The following ADGRA1 variants were observed in gnomAD, a reference collection of about 807,000 sequenced individuals.
ADGRA1 encodes the protein adhesion G protein-coupled receptor A1, also known as G-protein coupled receptor 123.
A neutral mutation model predicts 21.3 loss-of-function variants in ADGRA1; 12 were observed. That is an observed-to-expected ratio of 0.56 (90% CI 0.36 to 0.91). The LOEUF is 0.91. Ranked by LOEUF, ADGRA1 falls within the 40% of genes least tolerant of loss-of-function variation. The pLI is 0.01. For synonymous variants in ADGRA1, 385 were observed against 368.8 expected, an observed-to-expected ratio of 1.04 and a Z score of -0.50; for missense variants, 790 against 805.6, an observed-to-expected ratio of 0.98 and a Z score of 0.23.
At chr10:133,115,677 C>T (rs989886729) in intron 5 of ADGRA1, among the ~76,000 whole-genome samples, 5 of 152,134 alleles carry the variant, frequency 3.3e-5, no homozygotes, top group Non-Finnish European at 5.9e-5. Flanking sequence ...AGCCGAGGGT[C>T]GGCCGATGGC....
In ADGRA1 at chr10:133,116,645, A is replaced by G. The variant is rs1388231316; in HGVS notation, c.402-10588A>G. On this transcript the variant is annotated intron_variant, in intron 5 of 6. Transcript: ENST00000392607. ...CACGATGAAGAGACGCAGACACTCA[A>G]CCAGAAACGGGCAGCCCGAGGAGGG... 2.6e-5 allele frequency among the ~76,000 whole-genome samples: 4 copies of G among 152,086 alleles called. No homozygotes were observed. The East Asian group carries it at 7.8e-4, about 30-fold the overall frequency.
At chr10:133,090,765 T>C (rs971452075) in intron 2 of ADGRA1, among the ~76,000 whole-genome samples, 2 of 152,096 alleles carry the variant, frequency 1.3e-5, no homozygotes, top group African/African-American at 2.4e-5. Flanking sequence ...AGCTCCCAAG[T>C]GTAAGGGCAT....
intron 5 of ADGRA1, among the ~76,000 whole-genome samples, chr10:133,118,171 T>C (rs1199783624): frequency 6.6e-6 from 1 of 152,218 alleles, no homozygotes; most frequent in African/African-American, 2.4e-5. Context: ...TCCTGCCTCA[T>C]TTCCCAAACT....
At chr10:133,124,620 T>C (rs900440003) in intron 5 of ADGRA1, among the ~76,000 whole-genome samples, 7 of 152,234 alleles carry the variant, frequency 4.6e-5, no homozygotes, top group Non-Finnish European at 8.8e-5. Flanking sequence ...TAACAGAAGA[T>C]GACGCTTGAG....
intron 5 of ADGRA1, among the ~76,000 whole-genome samples, chr10:133,123,375 G>C (rs61862114): frequency 1.3e-5 from 2 of 152,214 alleles, no homozygotes; most frequent in Non-Finnish European, 2.9e-5. Context: ...TTTCCCTTTC[G>C]CTGAGTCAGC....
intron 5 of ADGRA1, among the ~76,000 whole-genome samples, chr10:133,122,116 A>G (rs1392345485): frequency 6.6e-6 from 1 of 152,162 alleles, no homozygotes; most frequent in African/African-American, 2.4e-5. Flanking sequence ...GCGTGGTGTA[A>G]GGAGAGGCGC....
At chr10:133,122,033 G>C (rs117117886) in intron 5 of ADGRA1, among the ~76,000 whole-genome samples, 2,638 of 152,292 alleles carry the variant, frequency 0.017, 46 homozygotes, top group South Asian at 0.033. Context: ...GTGTGTTCCA[G>C]TGTGTGAGAG....
At chr10:133,122,283 C>T (rs557872247) in intron 5 of ADGRA1, among the ~76,000 whole-genome samples, 80 of 152,318 alleles carry the variant, frequency 5.3e-4, no homozygotes, top group East Asian at 3.1e-3. Context: ...TCAGCCATGG[C>T]GGGAACAGAG....
rs1249740058 is a variant in ADGRA1 at position 133,093,341 on chromosome 10, A to G, written c.4-3633A>G. 12 of 1,471,220 alleles carry G rather than the reference A, an allele frequency of 8.2e-6. No individual in the cohort carries two copies. The East Asian group carries it at 2.5e-4, about 30-fold the overall frequency. 91.1% of individuals were successfully genotyped at this position (1,471,220 alleles called of 1,614,324 possible). ...TTCCTCCTTTGTTTTTGTCTTTAACACCCTGACCCACTTGATTTGCAGAAC... is the reference window on the plus strand; with the variant it reads ...TTCCTCCTTTGTTTTTGTCTTTAACGCCCTGACCCACTTGATTTGCAGAAC... On this transcript the variant is annotated intron_variant, in intron 2 of 6. Transcript: ENST00000392607.
intron 2 of ADGRA1, among the ~76,000 whole-genome samples, chr10:133,091,501 C>T (rs538977323): frequency 6.6e-6 from 1 of 152,344 alleles, no homozygotes; most frequent in East Asian, 1.9e-4. Context: ...GGGTTCAGGC[C>T]CTGTGCCGAT....
rs372775139 is a variant in ADGRA1, at chr10:133,129,755, G to A, written c.*244G>A. 70 of 425,544 alleles carry A rather than the reference G, an allele frequency of 1.6e-4. No individual in the cohort carries two copies. Among genetic ancestry groups the A allele is most frequent in the African/African-American group, 1.2e-3 (51 of 41,114 alleles). The allele number at this position is 425,544 out of a possible 1,614,324, so 26.4% of individuals were successfully genotyped here. A position where few individuals can be genotyped will look rare whatever the true frequency, so the allele number is the denominator to read the frequency against. The stretch of plus-strand genomic sequence containing the variant: ...TCAGCGGGGAAACGCTCCGGGCCAC[G>A]CCCACTCCCCTTATCCCAATTCCGC... On this transcript the variant is annotated 3_prime_UTR_variant, in exon 7 of 7. Coordinates refer to ENST00000392607, the MANE Select transcript of ADGRA1 (RefSeq NM_001083909.3).
At chr10:133,118,442 T>C (rs1290382214) in intron 5 of ADGRA1, among the ~76,000 whole-genome samples, 1 of 152,036 alleles carries the variant, frequency 6.6e-6, no homozygotes, top group Non-Finnish European at 1.5e-5. Flanking sequence ...TGACTCACAG[T>C]TCCACATGAC....
rs1564849805 is a variant in ADGRA1 at position 133,112,015 on chromosome 10, A to ACGGGCACCTCCCTCCTAATCCCTC, written c.401+9174_401+9175insGGGCACCTCCCTCCTAATCCCTCC. On this transcript the variant is annotated intron_variant, in intron 5 of 6. Transcript: ENST00000392607. ...AATGCCTCCAGACCACCTGCCCACCACAGACACCTCCCTCCTAATGCCTCC... is the reference window on the plus strand; with the variant it reads ...AATGCCTCCAGACCACCTGCCCACCACGGGCACCTCCCTCCTAATCCCTCCAGACACCTCCCTCCTAATGCCTCC... 4.5e-4 allele frequency among the ~76,000 whole-genome samples: 51 copies of ACGGGCACCTCCCTCCTAATCCCTC among 113,376 alleles called. 4 individuals carry two copies. The highest frequency in any genetic ancestry group is 1.7e-3 in the African/African-American group (48 of 27,514). The allele number at this position is 113,376 out of a possible 152,430, so 74.4% of individuals were successfully genotyped here. A position where few individuals can be genotyped will look rare whatever the true frequency, so the allele number is the denominator to read the frequency against.
chr10:133,095,604 G>GGC, intron 2 of ADGRA1: 1 of 1,553,302 alleles, frequency 6.4e-7, no homozygotes, highest in Non-Finnish European at 8.7e-7. Context: ...CTGGGGCAGG[G>GGC]GCCCTATTTC....
rs568149204 is a variant in ADGRA1 at position 133,092,386 on chromosome 10, T to C, written c.3+3474T>C. 9.8e-4 allele frequency among the ~76,000 whole-genome samples: 150 copies of C among 152,304 alleles called. 2 individuals are homozygous for C. Among genetic ancestry groups the C allele is most frequent in the South Asian group, 2.5e-3 (12 of 4,824 alleles). ...TACCAGTCTAGAAAGAAAGCGTCTATGATATTTTAACACTTTTTTCCCAAA... is the reference window on the plus strand; with the variant it reads ...TACCAGTCTAGAAAGAAAGCGTCTACGATATTTTAACACTTTTTTCCCAAA... On this transcript the variant is annotated intron_variant, in intron 2 of 6. Transcript: ENST00000392607.
chr10:133,103,289 G>A (rs1200016421), intron 5 of ADGRA1, among the ~76,000 whole-genome samples: 1 of 152,214 alleles, frequency 6.6e-6, no homozygotes, highest in Non-Finnish European at 1.5e-5. Flanking sequence ...ACGGGCTCTG[G>A]TGGTTTTGGC....
At chr10:133,114,895 C>T (rs1852128456) in intron 5 of ADGRA1, among the ~76,000 whole-genome samples, 1 of 152,232 alleles carries the variant, frequency 6.6e-6, no homozygotes, top group African/African-American at 2.4e-5. Context: ...GCTGCGGTTT[C>T]CTTGGCTCCT....
chr10:133,105,821 G>A (rs1851884591), intron 5 of ADGRA1, among the ~76,000 whole-genome samples: 1 of 152,214 alleles, frequency 6.6e-6, no homozygotes, highest in Non-Finnish European at 1.5e-5. Context: ...GCCCAGCAGC[G>A]AGAAGCCAGC....
intron 2 of ADGRA1, among the ~76,000 whole-genome samples, chr10:133,096,167 C>T (rs1356921560): frequency 1.3e-5 from 2 of 152,202 alleles, no homozygotes; most frequent in Admixed American, 6.5e-5. Context: ...GCTGGTGCCC[C>T]GAGGCCCCCT....
Sources: gnomAD v4.1 joint callset for allele counts (sites outside exome capture counted in the v4.1 genomes callset) on GRCh38, gnomAD v4.1.1 for gene constraint, MANE v1.5 for transcripts, NCBI Gene and HGNC (gene_info 2026-07-23, HGNC 2026-07-21) for gene names.